The following HTR2C variants were observed in gnomAD, a reference collection of about 807,000 sequenced individuals.
The protein encoded by HTR2C is 5-hydroxytryptamine (serotonin) receptor 2C, G protein-coupled.
Under a neutral mutation model 21.0 loss-of-function variants are expected in HTR2C, and 5 were observed. That is an observed-to-expected ratio of 0.24 (90% CI 0.12 to 0.50). The LOEUF is 0.50. Ranked by LOEUF, HTR2C falls within the 20% of genes least tolerant of loss-of-function variation. The pLI, the probability that HTR2C is intolerant of heterozygous loss-of-function variation, is 0.98. For synonymous variants in HTR2C, 150 were observed against 145.3 expected (o/e 1.03, Z -0.23); for missense variants, 271 against 371.2 (o/e 0.73, Z 2.22).
At position 114,880,887 on chromosome X, in the gene HTR2C, T is replaced by C. The variant is rs2071176209; in HGVS notation, c.551-25702T>C. Among the ~76,000 whole-genome samples the C allele has an allele frequency of 4.5e-5, 5 of 111,494 alleles. No individual in the cohort carries two copies. The South Asian group carries it at 1.8e-3, about 40-fold the overall frequency. ...CAAATAATGCTGCTATGAACACTAA[T>C]CAAAGATTTTGTTTAAATACTTGTT... On this transcript the variant is annotated intron_variant, in intron 5 of 5. Coordinates refer to ENST00000276198, the MANE Select transcript of HTR2C (RefSeq NM_000868.4).
intron 1 of HTR2C, among the ~76,000 whole-genome samples, chrX:114,587,985 A>C (rs1927469288): frequency 8.9e-6 from 1 of 112,471 alleles, no homozygotes; most frequent in Non-Finnish European, 1.9e-5. Context: ...ATTTCAAATA[A>C]GATATACACA....
intron 2 of HTR2C, among the ~76,000 whole-genome samples, chrX:114,680,612 AC>A (rs1931713751): frequency 8.9e-6 from 1 of 111,763 alleles, no homozygotes; most frequent in South Asian, 3.7e-4. Context: ...TCTTGGTCTC[AC>A]CTTCTCATCC....
In HTR2C at chrX:114,906,796, C is replaced by T; in HGVS notation, c.758C>T (p.Thr253Ile). ...RQALMLLHGH[T>I]EEPPGLSLDF... ...GCTTTGATGTTACTGCACGGCCACA[C>T]CGAGGAACCGCCTGGACTAAGTCTG... Residue 253 changes from threonine to isoleucine, a missense_variant, in exon 6 of 6, where the codon ACC (threonine) becomes ATC (isoleucine). Around this residue, in one of 5 missense-constraint regions of HTR2C, gnomAD observed 192 missense variants for 247.2 expected, o/e 0.78. Transcript: ENST00000276198. 1 of 1,210,864 alleles carries T rather than the reference C, an allele frequency of 8.3e-7. No individual in the cohort carries two copies. The highest frequency in any genetic ancestry group is 1.1e-6 in the Non-Finnish European group (1 of 895,215).
In HTR2C at chrX:114,608,202, T is replaced by C. The variant is rs782612918; in HGVS notation, c.-146-5613T>C. Among the ~76,000 whole-genome samples the C allele has an allele frequency of 3.2e-3, 356 of 111,766 alleles. 4 individuals carry two copies. The highest frequency in any genetic ancestry group is 0.011 in the African/African-American group (346 of 30,783). The stretch of plus-strand genomic sequence containing the variant: ...CATTTAAAAATCTATATTTTTAAGA[T>C]CTGCTTTTTCCTTCGAAGTAATGGC... On this transcript the variant is annotated intron_variant, in intron 1 of 5. Coordinates refer to ENST00000276198, the MANE Select transcript of HTR2C (RefSeq NM_000868.4).
At chrX:114,675,128 T>C (rs782453709) in intron 2 of HTR2C, among the ~76,000 whole-genome samples, 1 of 112,141 alleles carries the variant, frequency 8.9e-6, no homozygotes, top group South Asian at 3.7e-4. Flanking sequence ...AGATGTATTA[T>C]TAAAAATCTA....
intron 4 of HTR2C, among the ~76,000 whole-genome samples, chrX:114,839,648 C>T (rs1367129720): frequency 3.6e-5 from 4 of 110,760 alleles, no homozygotes; most frequent in Non-Finnish European, 7.5e-5. Flanking sequence ...AATAGTGTCA[C>T]GGCACACCAG....
chrX:114,708,232 T>C (rs892997106), intron 2 of HTR2C, among the ~76,000 whole-genome samples: 1 of 111,769 alleles, frequency 8.9e-6, no homozygotes, highest in Non-Finnish European at 1.9e-5. Flanking sequence ...GCTAATCATT[T>C]AGATTTTTAA....
intron 4 of HTR2C, among the ~76,000 whole-genome samples, chrX:114,766,327 T>G (rs2069947516): frequency 8.9e-6 from 1 of 111,905 alleles, no homozygotes; most frequent in African/African-American, 3.2e-5. Flanking sequence ...ATTTCATATG[T>G]GCTTTTATGT....
At chrX:114,853,221 T>G (rs1230003062) in intron 5 of HTR2C, among the ~76,000 whole-genome samples, 1 of 111,869 alleles carries the variant, frequency 8.9e-6, no homozygotes, top group Non-Finnish European at 1.9e-5. Flanking sequence ...TTTGCTCATT[T>G]TTTCTGATTT....
intron 1 of HTR2C, among the ~76,000 whole-genome samples, chrX:114,601,492 G>T (rs781878922): frequency 9.3e-6 from 1 of 107,515 alleles, no homozygotes; most frequent in East Asian, 3.0e-4. Context: ...TGCTCAGTGG[G>T]GGTGCTTTTT....
At chrX:114,822,721 G>GTTTA (rs1474182391) in intron 4 of HTR2C, among the ~76,000 whole-genome samples, 1 of 111,711 alleles carries the variant, frequency 9.0e-6, no homozygotes, top group African/African-American at 3.3e-5. Context: ...TTGTTTGTTT[G>GTTTA]TTTGTTTGAA....
intron 4 of HTR2C, 81 bp from the exon 5 acceptor site, chrX:114,847,922 A>T: frequency 1.3e-6 from 1 of 742,701 alleles, no homozygotes; most frequent in East Asian, 3.3e-5. Flanking sequence ...ATTATGAGAA[A>T]ATATAAGCAG....
intron 2 of HTR2C, among the ~76,000 whole-genome samples, chrX:114,621,587 T>C (rs782320366): frequency 8.9e-6 from 1 of 111,890 alleles, no homozygotes; most frequent in South Asian, 3.7e-4. Context: ...TCGATAACTG[T>C]TGTAGAGGCT....
At chrX:114,718,539 A>G (rs1166445080) in intron 2 of HTR2C, among the ~76,000 whole-genome samples, 1 of 112,144 alleles carries the variant, frequency 8.9e-6, no homozygotes, top group East Asian at 2.8e-4. Context: ...TTATTCTGCA[A>G]TATCTTGTGT....
chrX:114,584,952 G>C (rs920191035), intron 1 of HTR2C, among the ~76,000 whole-genome samples: 8 of 103,086 alleles, frequency 7.8e-5, no homozygotes, highest in Non-Finnish European at 1.2e-4. Context: ...AACCTGGCGC[G>C]GGGGAAGCCG....
At chrX:114,648,168 A>G (rs1254929862) in intron 2 of HTR2C, among the ~76,000 whole-genome samples, 5 of 111,442 alleles carry the variant, frequency 4.5e-5, no homozygotes, top group African/African-American at 1.6e-4. Context: ...GAGGGAACTT[A>G]ACAAGGCCTA....
intron 2 of HTR2C, among the ~76,000 whole-genome samples, chrX:114,657,120 A>T (rs1156801874): frequency 9.0e-6 from 1 of 111,130 alleles, no homozygotes; most frequent in African/African-American, 3.3e-5. Context: ...CCACTTCAAC[A>T]TAATTTAGCT....
At chrX:114,755,791 CAGAAT>C (rs2069806844) in intron 4 of HTR2C, among the ~76,000 whole-genome samples, 1 of 110,999 alleles carries the variant, frequency 9.0e-6, no homozygotes, top group Admixed American at 9.7e-5. Context: ...TTTCATTGTA[CAGAAT>C]ATAAAAGATG....
intron 4 of HTR2C, among the ~76,000 whole-genome samples, chrX:114,801,804 T>C (rs2070349031): frequency 9.0e-6 from 1 of 111,160 alleles, no homozygotes; most frequent in Admixed American, 9.7e-5. Context: ...GCATTTATGC[T>C]TTCTTTGTGA....
Sources: allele counts gnomAD v4.1 joint callset (sites outside exome capture counted in the v4.1 genomes callset), GRCh38; gene constraint gnomAD v4.1.1; regional missense constraint gnomAD v4.1.1; transcripts MANE v1.5; gene names NCBI Gene and HGNC (gene_info 2026-07-23, HGNC 2026-07-21).